Variants in SZRD1 observed in about 807,000 individuals in gnomAD.
SZRD1 encodes SUZ RNA binding domain containing 1.
A neutral mutation model predicts 17.6 loss-of-function variants in SZRD1; 7 were observed. The observed-to-expected ratio is 0.40, with a 90% CI of 0.23 to 0.75. The LOEUF (loss-of-function observed/expected upper bound fraction) is 0.75, where lower values mean the gene tolerates loss of function less well. Among genes scored for constraint, SZRD1 ranks in the 30% least tolerant of loss-of-function variants. SZRD1 has a pLI of 0.38. For synonymous variants in SZRD1, 77 were observed against 77.9 expected, an observed-to-expected ratio of 0.99 and a Z score of 0.06; for missense variants, 178 against 201.8, an observed-to-expected ratio of 0.88 and a Z score of 0.71.
At chr1:16,372,244 G>A (rs893657420) in intron 1 of SZRD1, among the ~76,000 whole-genome samples, 11 of 152,004 alleles carry the variant, frequency 7.2e-5, no homozygotes, top group African/African-American at 2.2e-4. Context: ...AGGCTGAGGC[G>A]GGCAGATCAC....
At chr1:16,377,472 C>G (rs1441978974) in intron 1 of SZRD1, among the ~76,000 whole-genome samples, 1 of 149,918 alleles carries the variant, frequency 6.7e-6, no homozygotes, top group Non-Finnish European at 1.5e-5. Context: ...GTAATCCCAG[C>G]TACTCAGGAG....
At position 16,395,171 on chromosome 1, in the gene SZRD1, G is replaced by A. The variant is rs1185617460; in HGVS notation, c.*31G>A. 2.0e-6 allele frequency: 3 copies of A among 1,498,748 alleles called. No homozygotes were observed. The African/African-American group carries it at 4.1e-5, about 21-fold the overall frequency. The allele number at this position is 1,498,748 out of a possible 1,614,324, so 92.8% of individuals were successfully genotyped here. On this transcript the variant is annotated 3_prime_UTR_variant, in exon 4 of 4. Transcript: ENST00000401088. ...GGCAAGAAAAGATGCCGCCGTTGCT[G>A]CCGTCACCGCCTCCTGGGTCGTCCG...
At chr1:16,385,217 C>G (rs896933698) in intron 1 of SZRD1, among the ~76,000 whole-genome samples, 3 of 152,156 alleles carry the variant, frequency 2.0e-5, no homozygotes, top group South Asian at 4.1e-4. Context: ...TGGAGTAGGA[C>G]AGTACAGTCT....
At chr1:16,385,962 G>A (rs183040771) in intron 1 of SZRD1, among the ~76,000 whole-genome samples, 29 of 152,208 alleles carry the variant, frequency 1.9e-4, no homozygotes, top group African/African-American at 6.7e-4. Flanking sequence ...TCCTGCCTCC[G>A]CTCTTTCCTT....
At chr1:16,388,590 C>A (rs983169040) in intron 1 of SZRD1, among the ~76,000 whole-genome samples, 47 of 150,534 alleles carry the variant, frequency 3.1e-4, no homozygotes, top group Admixed American at 2.7e-4. Flanking sequence ...GAAAGCTGGC[C>A]AACTTTATTA....
intron 1 of SZRD1, among the ~76,000 whole-genome samples, chr1:16,377,584 A>T (rs2083027086): frequency 6.6e-6 from 1 of 150,986 alleles, no homozygotes; most frequent in African/African-American, 2.4e-5. Context: ...AAAAAAAAGC[A>T]AGAAAGGATA....
At position 16,383,216 on chromosome 1, in the gene SZRD1, CT is replaced by C. The variant is rs1009453148; in HGVS notation, c.52-8149del. ...TCCTTCCTTCTTGCTTGCTTCTTTC[CT>C]TTTTTTTTTCTTTTCTTTCGAGGTG... On this transcript the variant is annotated intron_variant, in intron 1 of 3. Transcript: ENST00000401088. Among the ~76,000 whole-genome samples, 15 of 142,990 alleles carry C rather than the reference CT, an allele frequency of 1.0e-4. No individual in the cohort carries two copies. The South Asian group carries it at 1.6e-3, about 15-fold the overall frequency. 93.8% of individuals were successfully genotyped at this position (142,990 alleles called of 152,430 possible).
At chr1:16,369,582 G>A (rs1337685946) in intron 1 of SZRD1, 1 of 652,934 alleles carries the variant, frequency 1.5e-6, no homozygotes, top group Admixed American at 2.4e-5. Context: ...CCTTACTTTA[G>A]TAATATCCTT....
intron 1 of SZRD1, chr1:16,387,301 C>T: frequency 2.2e-6 from 1 of 456,386 alleles, no homozygotes; most frequent in Non-Finnish European, 4.4e-6. Context: ...TTCCTTAAAC[C>T]CTAGAGGAAG....
chr1:16,369,887 CAAAA>C (rs565655605), intron 1 of SZRD1, among the ~76,000 whole-genome samples: 1 of 124,770 alleles, frequency 8.0e-6, no homozygotes, highest in South Asian at 2.8e-4. Flanking sequence ...GAAACTCCAT[CAAAA>C]AAAAAAACAA....
At chr1:16,381,528 G>C (rs1170654183) in intron 1 of SZRD1, among the ~76,000 whole-genome samples, 1 of 148,572 alleles carries the variant, frequency 6.7e-6, no homozygotes, top group Non-Finnish European at 1.5e-5. Context: ...TTGCACTCCA[G>C]CCTGGGCGAC....
In SZRD1 at chr1:16,391,260, A is replaced by G. The variant is rs1557631102; in HGVS notation, c.52-115A>G. On this transcript the variant is annotated intron_variant, in intron 1 of 3. Transcript: ENST00000401088. This position sits in a 1 kb window ranked among gnomAD's most constrained non-coding sequence, Gnocchi z 4.3. ...TAGTCCACATTTGTTATGTTGAAGG[A>G]CACAGTCATGTCCCTGGCTAGAGAA... is the stretch of plus-strand genomic sequence containing the variant. 1 of 762,914 alleles carries G rather than the reference A, an allele frequency of 1.3e-6. No individual in the cohort carries two copies. The highest frequency in any genetic ancestry group is 1.8e-5 in the African/African-American group (1 of 56,876). The allele number at this position is 762,914 out of a possible 1,614,324, so 47.3% of individuals were successfully genotyped here. A position where few individuals can be genotyped will look rare whatever the true frequency, so the allele number is the denominator to read the frequency against.
intron 1 of SZRD1, among the ~76,000 whole-genome samples, chr1:16,376,568 G>T (rs577992462): frequency 6.6e-6 from 1 of 152,168 alleles, no homozygotes; most frequent in Admixed American, 6.5e-5. Context: ...CACTTTGGGG[G>T]GCCGAGGCAG....
At chr1:16,375,637 C>T (rs531167201) in intron 1 of SZRD1, among the ~76,000 whole-genome samples, 7 of 152,230 alleles carry the variant, frequency 4.6e-5, no homozygotes, top group Non-Finnish European at 4.4e-5. Flanking sequence ...TTGTCCTTGA[C>T]GGTGAGACAT....
intron 1 of SZRD1, chr1:16,367,570 G>C (rs55703133): frequency 0.01 from 5,175 of 516,342 alleles, 226 homozygotes; most frequent in African/African-American, 0.089. Context: ...CCGCCACCCG[G>C]GGCCTCCTTT....
At position 16,397,743 on chromosome 1, in the gene SZRD1, A is replaced by G. The variant is rs2085336358; in HGVS notation, c.*2603A>G. 2 of 153,602 alleles carry G rather than the reference A, an allele frequency of 1.3e-5. No individual in the cohort carries two copies. Among genetic ancestry groups the G allele is most frequent in the African/African-American group, 4.8e-5 (2 of 41,460 alleles). The allele number at this position is 153,602 out of a possible 1,614,324, so 9.5% of individuals were successfully genotyped here. On this transcript the variant is annotated 3_prime_UTR_variant, in exon 4 of 4. Transcript: ENST00000401088. This position sits in a 1 kb window ranked among gnomAD's most constrained non-coding sequence, Gnocchi z 5.4. Reference sequence around the variant, plus strand: ...AGCCCACTCAATCAGGGTGCTCCCCACCTGCAGGCAGGAGGCAACACCCTA... The same window carrying G: ...AGCCCACTCAATCAGGGTGCTCCCCGCCTGCAGGCAGGAGGCAACACCCTA...
chr1:16,389,351 G>A (rs1570040587), intron 1 of SZRD1, among the ~76,000 whole-genome samples: 1 of 150,708 alleles, frequency 6.6e-6, no homozygotes, highest in African/African-American at 2.4e-5. Flanking sequence ...TGCAAGCTTC[G>A]CCTCCCGGGT....
At chr1:16,367,350 C>T in intron 1 of SZRD1, 42 bp downstream of exon 1, 1 of 1,532,286 alleles carries the variant, frequency 6.5e-7, no homozygotes, top group Non-Finnish European at 8.8e-7. Context: ...CGGGCGAGAC[C>T]TGGCGTGAGG....
intron 1 of SZRD1, among the ~76,000 whole-genome samples, chr1:16,389,054 C>T (rs945988315): frequency 4.7e-5 from 7 of 150,426 alleles, no homozygotes; most frequent in South Asian, 4.2e-4. Context: ...TTGAACTGCA[C>T]CCATCAACTG....
Sources: allele counts gnomAD v4.1 joint callset (sites outside exome capture counted in the v4.1 genomes callset), GRCh38; gene constraint gnomAD v4.1.1; non-coding constraint Gnocchi (gnomAD v3.1); transcripts MANE v1.5; gene names NCBI Gene and HGNC (gene_info 2026-07-23, HGNC 2026-07-21).